RAB3GAP2: variants seen among roughly 807,000 people sequenced by gnomAD.
RAB3GAP2 encodes RAB3 GTPase activating non-catalytic protein subunit 2, also known as rab3 GTPase-activating protein non-catalytic subunit.
Under a neutral mutation model 185.3 loss-of-function variants are expected in RAB3GAP2, and 87 were observed. That is an observed-to-expected ratio of 0.47 (90% CI 0.39 to 0.56). RAB3GAP2 has a LOEUF of 0.56. RAB3GAP2 is among the 20% of genes least tolerant of loss of function. The pLI is 0.00. For missense variants in RAB3GAP2, 1,492 were observed against 1,638.2 expected, an observed-to-expected ratio of 0.91 and a Z score of 1.54; for synonymous variants, 554 against 576.1, an observed-to-expected ratio of 0.96 and a Z score of 0.55.
chr1:220,253,682 A>T, intron 1 of RAB3GAP2: 1 of 1,607,586 alleles, frequency 6.2e-7, no homozygotes, highest in Non-Finnish European at 8.5e-7. Context: ...ATAAAGGACA[A>T]ACAAGTGAAA....
At chr1:220,187,866 C>G (rs531721121) in intron 17 of RAB3GAP2, among the ~76,000 whole-genome samples, 1 of 151,900 alleles carries the variant, frequency 6.6e-6, no homozygotes, top group African/African-American at 2.4e-5. Flanking sequence ...ATTCATCAAC[C>G]GCAAAGAGGG....
intron 1 of RAB3GAP2, among the ~76,000 whole-genome samples, chr1:220,241,173 T>C (rs1044006207): frequency 6.6e-5 from 10 of 152,098 alleles, no homozygotes; most frequent in African/African-American, 2.4e-4. Flanking sequence ...AAATACATTA[T>C]CCTAATTTGC....
chr1:220,169,767 A>C, intron 24 of RAB3GAP2, among the ~76,000 whole-genome samples: 1 of 152,234 alleles, frequency 6.6e-6, no homozygotes, highest in East Asian at 1.9e-4. Flanking sequence ...ACTTTGGTTT[A>C]TGAGTTATGG....
chr1:220,234,407 G>A (rs907635921), intron 1 of RAB3GAP2, among the ~76,000 whole-genome samples: 1 of 151,610 alleles, frequency 6.6e-6, no homozygotes, highest in African/African-American at 2.4e-5. Context: ...ATTTGTTATA[G>A]TCTAGTACTT....
rs984687531 is a variant in RAB3GAP2 at position 220,202,364 on chromosome 1, T to A, written c.723A>T (p.Ser241=). 6.2e-6 allele frequency: 10 copies of A among 1,613,676 alleles called. No individual in the cohort carries two copies. The highest frequency in any genetic ancestry group is 5.9e-6 in the Non-Finnish European group (7 of 1,179,750). The change falls in exon 9 of 35, where the codon TCA becomes TCT. Residue 241 remains serine, a synonymous_variant. Transcript: ENST00000358951. ...GTGGTGGTTGTATGTTCTCATTGCC[T>A]GATGCTGCAGCTACCAAAGATAAAA... ...CRNQVAKAAA[S]GNENIQPPPL...
chr1:220,173,596 C>T (rs1480509367), intron 21 of RAB3GAP2, among the ~76,000 whole-genome samples: 1 of 152,134 alleles, frequency 6.6e-6, no homozygotes, highest in African/African-American at 2.4e-5. Flanking sequence ...GACTTAGGGC[C>T]AGGAGCTGTG....
intron 2 of RAB3GAP2, among the ~76,000 whole-genome samples, chr1:220,223,818 G>C (rs966043134): frequency 6.6e-6 from 1 of 151,530 alleles, no homozygotes; most frequent in Non-Finnish European, 1.5e-5. Context: ...ATACAAATTG[G>C]CTAGCCCTTT....
At chr1:220,233,950 C>T (rs1268268181) in intron 1 of RAB3GAP2, among the ~76,000 whole-genome samples, 1 of 152,240 alleles carries the variant, frequency 6.6e-6, no homozygotes, top group Non-Finnish European at 1.5e-5. Context: ...ATCCACCCAC[C>T]TTGGCCTCCC....
chr1:220,155,472 C>G (rs1460876890), intron 31 of RAB3GAP2, among the ~76,000 whole-genome samples: 3 of 152,198 alleles, frequency 2.0e-5, no homozygotes, highest in Admixed American at 2.0e-4. Flanking sequence ...CATACACTCA[C>G]AATCTGTTAC....
intron 2 of RAB3GAP2, among the ~76,000 whole-genome samples, chr1:220,230,253 C>T (rs568828973): frequency 6.6e-6 from 1 of 152,304 alleles, no homozygotes; most frequent in East Asian, 1.9e-4. Context: ...GTAAAATCTT[C>T]ACATGAGCTC....
chr1:220,197,180 GT>G (rs1170601809), intron 9 of RAB3GAP2, among the ~76,000 whole-genome samples: 1 of 151,986 alleles, frequency 6.6e-6, no homozygotes, highest in Admixed American at 6.6e-5. Context: ...TAGAGACGAA[GT>G]TTTGCCATGT....
intron 33 of RAB3GAP2, among the ~76,000 whole-genome samples, chr1:220,152,356 C>T (rs1198146405): frequency 2.0e-5 from 3 of 152,222 alleles, no homozygotes; most frequent in Non-Finnish European, 4.4e-5. Flanking sequence ...GGATTACAGG[C>T]GTGAGCCACC....
At chr1:220,232,763 C>G (rs1397199314) in intron 2 of RAB3GAP2, 36 bp downstream of exon 2, 1 of 1,543,262 alleles carries the variant, frequency 6.5e-7, no homozygotes, top group Admixed American at 1.7e-5. Flanking sequence ...GAAAATGCCA[C>G]TATCAAAAAA....
At chr1:220,227,852 A>G (rs912692282) in intron 2 of RAB3GAP2, among the ~76,000 whole-genome samples, 5 of 152,160 alleles carry the variant, frequency 3.3e-5, no homozygotes, top group African/African-American at 4.8e-5. Context: ...CCCGGGTTCA[A>G]GCAGTTCTCC....
intron 9 of RAB3GAP2, among the ~76,000 whole-genome samples, chr1:220,198,052 T>C (rs564582248): frequency 6.6e-6 from 1 of 152,246 alleles, no homozygotes; most frequent in Non-Finnish European, 1.5e-5. Context: ...TACTATTTTT[T>C]CCACTATTTA....
chr1:220,203,747 G>A (rs1658906226), intron 8 of RAB3GAP2, among the ~76,000 whole-genome samples: 1 of 152,148 alleles, frequency 6.6e-6, no homozygotes, highest in South Asian at 2.1e-4. Context: ...CTTATGGTGG[G>A]TTAAATTTAA....
intron 2 of RAB3GAP2, among the ~76,000 whole-genome samples, chr1:220,231,394 G>A (rs1046605281): frequency 1.3e-5 from 2 of 152,108 alleles, no homozygotes; most frequent in Non-Finnish European, 2.9e-5. Context: ...CCAATCTATA[G>A]CAGTCACTTG....
chr1:220,254,668 T>G lies in RAB3GAP2; in HGVS notation c.115+17555A>C. ...CAATTGATGTTTGTTTTCTGTTTGATTTTAAACAGAGAAAATAAAAGGGGT... is the reference window on the plus strand; with the variant it reads ...CAATTGATGTTTGTTTTCTGTTTGAGTTTAAACAGAGAAAATAAAAGGGGT... On this transcript the variant is annotated intron_variant, in intron 1 of 34. Transcript: ENST00000358951. 6.4e-6 allele frequency: 5 copies of G among 781,976 alleles called. No individual in the cohort carries two copies. The South Asian group carries it at 8.4e-5, about 13-fold the overall frequency. 48.4% of individuals were successfully genotyped at this position (781,976 alleles called of 1,614,324 possible). A position where few individuals can be genotyped will look rare whatever the true frequency, so the allele number is the denominator to read the frequency against.
intron 2 of RAB3GAP2, among the ~76,000 whole-genome samples, chr1:220,223,200 G>T (rs1472003793): frequency 6.6e-6 from 1 of 152,106 alleles, no homozygotes; most frequent in African/African-American, 2.4e-5. Flanking sequence ...GCAGGCACAT[G>T]TCACTTTGTC....
Sources: allele counts gnomAD v4.1 joint callset (sites outside exome capture counted in the v4.1 genomes callset), GRCh38; gene constraint gnomAD v4.1.1; transcripts MANE v1.5; gene names NCBI Gene and HGNC (gene_info 2026-07-23, HGNC 2026-07-21).